The following TMEM204 variants were observed in gnomAD, a reference collection of about 807,000 sequenced individuals.
TMEM204 encodes the protein claudin-like protein 24.
A neutral mutation model predicts 19.4 loss-of-function variants in TMEM204; 15 were observed. That is an observed-to-expected ratio of 0.77 (90% CI 0.52 to 1.19). The LOEUF is 1.19. Among genes scored for constraint, TMEM204 ranks in the 50% most tolerant of loss-of-function variants. TMEM204 has a pLI of 0.00. For missense variants in TMEM204, 287 were observed against 321.2 expected, an observed-to-expected ratio of 0.89 and a Z score of 0.81; for synonymous variants, 161 against 146.0, an observed-to-expected ratio of 1.10 and a Z score of -0.74.
In TMEM204 at chr16:1,537,309, G is replaced by A. The variant is rs188079235; in HGVS notation, c.280+2754G>A. On this transcript the variant is annotated intron_variant, in intron 1 of 2. Coordinates refer to ENST00000566264, the MANE Select transcript of TMEM204 (RefSeq NM_024600.6). The stretch of plus-strand genomic sequence containing the variant: ...GTTTCCGGATGTCGCTGAGGCCCGC[G>A]TGGATGTCTCCGGACGGCTCTGTGC... Among the ~76,000 whole-genome samples, 7 of 152,364 alleles carry A rather than the reference G, an allele frequency of 4.6e-5. No individual in the cohort carries two copies. In the East Asian group the frequency reaches 1.4e-3, roughly 29 times the overall value.
intron 1 of TMEM204, among the ~76,000 whole-genome samples, chr16:1,538,407 C>T (rs1253799377): frequency 6.6e-6 from 1 of 152,208 alleles, no homozygotes; most frequent in Admixed American, 6.5e-5. Context: ...CTTGGTCACT[C>T]ACCCTCACCA....
chr16:1,540,149 C>A (rs1458630252), intron 1 of TMEM204, among the ~76,000 whole-genome samples: 2 of 152,218 alleles, frequency 1.3e-5, no homozygotes, highest in African/African-American at 4.8e-5. Context: ...ATCCCACACA[C>A]CACCTCAGCC....
intron 2 of TMEM204, among the ~76,000 whole-genome samples, chr16:1,552,709 C>T (rs552976821): frequency 1.4e-5 from 2 of 141,124 alleles, no homozygotes; most frequent in East Asian, 2.1e-4. Context: ...AGTGCAGTGG[C>T]GTGATCTCGG....
chr16:1,546,182 G>A (rs2032156115), intron 2 of TMEM204, among the ~76,000 whole-genome samples: 1 of 152,232 alleles, frequency 6.6e-6, no homozygotes, highest in South Asian at 2.1e-4. Flanking sequence ...GAAGGTAAAA[G>A]GTCATTACAG....
At chr16:1,554,412 T>C (rs1413680301) in intron 2 of TMEM204, among the ~76,000 whole-genome samples, 2 of 152,106 alleles carry the variant, frequency 1.3e-5, no homozygotes, top group African/African-American at 4.8e-5. Context: ...CCCCCCCAAG[T>C]TGGTGTTGCA....
At position 1,553,113 on chromosome 16, in the gene TMEM204, A is replaced by T; in HGVS notation, c.437-1669A>T. 1 of 985,458 alleles carries T rather than the reference A, an allele frequency of 1.0e-6. No homozygotes were observed. Among genetic ancestry groups the T allele is most frequent in the Non-Finnish European group, 1.2e-6 (1 of 829,932 alleles). 61.0% of individuals were successfully genotyped at this position (985,458 alleles called of 1,614,324 possible). On this transcript the variant is annotated intron_variant, in intron 2 of 2. Coordinates refer to ENST00000566264, the MANE Select transcript of TMEM204 (RefSeq NM_024600.6). The surrounding 1 kb of genome is among the most constrained non-coding windows in gnomAD (Gnocchi z 4.4). ...TTAATTCATACTTTCTGGAGGGTACAGTGATGATGAAAAGATAATGCTTGG... is the reference window on the plus strand; with the variant it reads ...TTAATTCATACTTTCTGGAGGGTACTGTGATGATGAAAAGATAATGCTTGG...
chr16:1,544,350 A>AT (rs557776071), intron 2 of TMEM204, among the ~76,000 whole-genome samples: 7,127 of 151,310 alleles, frequency 0.047, 289 homozygotes, highest in Admixed American at 0.096. Context: ...TGCCCGGCTA[A>AT]TTTTTTTTGT....
intron 1 of TMEM204, among the ~76,000 whole-genome samples, chr16:1,538,521 T>G (rs1331613490): frequency 2.0e-5 from 3 of 152,094 alleles, no homozygotes; most frequent in African/African-American, 7.2e-5. Context: ...CCCCCTTCAT[T>G]CTGGTCTTTC....
intron 2 of TMEM204, 44 bp downstream of exon 2, chr16:1,542,120 TG>T: frequency 6.6e-7 from 1 of 1,522,442 alleles, no homozygotes. Flanking sequence ...TTGCCCCCTG[TG>T]GCCTTCTGGT....
chr16:1,534,402 G>T lies in TMEM204; in HGVS notation c.127G>T (p.Val43Leu). The stretch of plus-strand genomic sequence containing the variant: ...GCTGGAGGATGGGCGCAGGCGCAGC[G>T]TGGGGCTGTGGAGGTCCTGCTGGCT... ...QTLEDGRRRS[V>L]GLWRSCWLVD... is the part of the protein sequence containing the mutation. The change falls in exon 1 of 3, where the codon GTG becomes TTG. Residue 43 changes from valine to leucine, a missense_variant. Val to Leu is a conservative substitution (Grantham distance 32, BLOSUM62 1). Transcript: ENST00000566264. 1.2e-6 allele frequency: 2 copies of T among 1,612,688 alleles called. No individual in the cohort carries two copies. The highest frequency in any genetic ancestry group is 1.7e-6 in the Non-Finnish European group (2 of 1,179,864).
rs546142576 is a variant in TMEM204 at position 1,545,394 on chromosome 16, G to A, written c.436+3318G>A. Reference sequence around the variant, plus strand: ...TCAGTGTCCAACCATCACCCCTAACGGGTCTGTTTTGCCCAAAAAGGAAAT... The same window carrying A: ...TCAGTGTCCAACCATCACCCCTAACAGGTCTGTTTTGCCCAAAAAGGAAAT... On this transcript the variant is annotated intron_variant, in intron 2 of 2. Coordinates refer to ENST00000566264, the MANE Select transcript of TMEM204 (RefSeq NM_024600.6). 3.3e-5 allele frequency among the ~76,000 whole-genome samples: 5 copies of A among 152,310 alleles called. No homozygotes were observed. In the East Asian group the frequency reaches 5.8e-4, roughly 18 times the overall value.
intron 1 of TMEM204, among the ~76,000 whole-genome samples, chr16:1,539,610 G>A (rs979657792): frequency 6.6e-6 from 1 of 152,258 alleles, no homozygotes; most frequent in Non-Finnish European, 1.5e-5. Flanking sequence ...TCGCGGGAGC[G>A]CTATGGTTTC....
rs1004829802 is a variant in TMEM204, at chr16:1,538,123, C to T, written c.280+3568C>T. Among the ~76,000 whole-genome samples, 4 of 152,194 alleles carry T rather than the reference C, an allele frequency of 2.6e-5. No individual in the cohort carries two copies. In the East Asian group the frequency reaches 7.7e-4, roughly 29 times the overall value. Reference sequence around the variant, plus strand: ...CTCCAAACAGCTTTCTTGGGGCAGGCGGGAGCGTGGCTCAGACAGGAAGGC... The same window carrying T: ...CTCCAAACAGCTTTCTTGGGGCAGGTGGGAGCGTGGCTCAGACAGGAAGGC... On this transcript the variant is annotated intron_variant, in intron 1 of 2. Transcript: ENST00000566264.
At chr16:1,537,337 T>C (rs1044588749) in intron 1 of TMEM204, among the ~76,000 whole-genome samples, 2 of 152,246 alleles carry the variant, frequency 1.3e-5, no homozygotes, top group Non-Finnish European at 2.9e-5. Flanking sequence ...CTCTGTGCCC[T>C]GAGGCCCTGC....
Position 1,554,526 on chromosome 16 carries a change from C to T in TMEM204, c.437-256C>T, listed in dbSNP as rs2272975. On this transcript the variant is annotated intron_variant, in intron 2 of 2. Transcript: ENST00000566264. ...GACACATACCACCCCTCCACAGCCG[C>T]CAGAGCCTGAAGTCCTAAGAGCCAC... Among the ~76,000 whole-genome samples the T allele has an allele frequency of 8.1e-4, 124 of 152,314 alleles. 1 individual carries two copies. In the East Asian group the frequency reaches 0.023, roughly 28 times the overall value.
chr16:1,534,865 T>C (rs2235642), intron 1 of TMEM204, among the ~76,000 whole-genome samples: 71,281 of 152,064 alleles, frequency 0.47, 18,186 homozygotes, highest in African/African-American at 0.68. Context: ...AGTTAAGAGA[T>C]GGGTACATTA....
At position 1,553,322 on chromosome 16, in the gene TMEM204, C is replaced by G. The variant is rs1274443933; in HGVS notation, c.437-1460C>G. 1 of 985,154 alleles carries G rather than the reference C, an allele frequency of 1.0e-6. No homozygotes were observed. Among genetic ancestry groups the G allele is most frequent in the Admixed American group, 6.1e-5 (1 of 16,262 alleles). 61.0% of individuals were successfully genotyped at this position (985,154 alleles called of 1,614,324 possible). ...TCTCTGTGTCTCTGTCTCTGTGTCT[C>G]TGTCCCTGTGTCTCTTTTTCTCCCA... On this transcript the variant is annotated intron_variant, in intron 2 of 2. Coordinates refer to ENST00000566264, the MANE Select transcript of TMEM204 (RefSeq NM_024600.6). The surrounding 1 kb of genome is among the most constrained non-coding windows in gnomAD (Gnocchi z 4.4).
intron 1 of TMEM204, chr16:1,541,569 C>A (rs1163214643): frequency 2.2e-6 from 2 of 893,698 alleles, no homozygotes; most frequent in African/African-American, 3.6e-5. Context: ...CTTCCCCTTC[C>A]CACCTCCACC....
chr16:1,548,022 C>T (rs1018243639), intron 2 of TMEM204, among the ~76,000 whole-genome samples: 1 of 152,220 alleles, frequency 6.6e-6, no homozygotes, highest in Non-Finnish European at 1.5e-5. Context: ...ACTCCCCAGG[C>T]ATCAGTTTAT....
Sources: gnomAD v4.1 joint callset for allele counts (sites outside exome capture counted in the v4.1 genomes callset) on GRCh38, gnomAD v4.1.1 for gene constraint, Gnocchi (gnomAD v3.1) non-coding constraint, MANE v1.5 for transcripts, NCBI Gene and HGNC (gene_info 2026-07-23, HGNC 2026-07-21) for gene names.